The following ZNF292 variants were observed in gnomAD, a reference collection of about 807,000 sequenced individuals.
ZNF292 encodes 16 zinc-finger domain protein.
ZNF292 carries 26 observed loss-of-function variants against 217.9 expected under a neutral mutation model. The ratio of observed to expected loss-of-function variants is 0.12; its 90% CI spans 0.09 to 0.17. The LOEUF is 0.17. ZNF292 is among the 10% of genes least tolerant of loss of function. The pLI, the probability that ZNF292 is intolerant of heterozygous loss-of-function variation, is 1.00. For synonymous variants in ZNF292, 1,257 were observed against 1,124.1 expected, an observed-to-expected ratio of 1.12 and a Z score of -2.37; for missense variants, 2,904 against 3,175.2, an observed-to-expected ratio of 0.91 and a Z score of 2.05.
intron 1 of ZNF292, among the ~76,000 whole-genome samples, chr6:87,212,565 G>A (rs1019282940): frequency 6.6e-6 from 1 of 152,210 alleles, no homozygotes. Flanking sequence ...TTTGTGCTAA[G>A]AACCTAGGAC....
chr6:87,178,392 A>C (rs1562125101), intron 1 of ZNF292, among the ~76,000 whole-genome samples: 2 of 152,194 alleles, frequency 1.3e-5, no homozygotes, highest in Non-Finnish European at 1.5e-5. Context: ...CTTTACTGAA[A>C]TTATGTTACT....
chr6:87,228,091 C>T (rs1773452327), intron 4 of ZNF292, among the ~76,000 whole-genome samples: 1 of 152,120 alleles, frequency 6.6e-6, no homozygotes, highest in South Asian at 2.1e-4. Context: ...TAATCCACAT[C>T]CTCACCAACA....
chr6:87,235,479 C>T (rs1024874380), intron 5 of ZNF292, among the ~76,000 whole-genome samples: 1 of 151,966 alleles, frequency 6.6e-6, no homozygotes, highest in South Asian at 2.1e-4. Context: ...AGCGTATCTC[C>T]TGTTAGGAAA....
intron 6 of ZNF292, 130 bp downstream of exon 6, chr6:87,243,741 A>T (rs186146102): frequency 1.1e-6 from 1 of 875,434 alleles, no homozygotes; most frequent in East Asian, 3.0e-5. Context: ...TTTAGATATT[A>T]CATGCTGTGC....
chr6:87,178,171 C>T (rs1209233036), intron 1 of ZNF292, among the ~76,000 whole-genome samples: 1 of 152,112 alleles, frequency 6.6e-6, no homozygotes, highest in Admixed American at 6.5e-5. Context: ...GTTCCTCATT[C>T]TTTTTATTGA....
At chr6:87,208,931 A>G (rs1772359796) in intron 1 of ZNF292, among the ~76,000 whole-genome samples, 1 of 152,176 alleles carries the variant, frequency 6.6e-6, no homozygotes, top group African/African-American at 2.4e-5. Context: ...CCTGAAAAGT[A>G]AGATACTTTT....
rs370204704 is a variant in ZNF292, at chr6:87,259,192, A to C, written c.5563A>C (p.Thr1855Pro). The change falls in exon 8 of 8, where the codon ACT becomes CCT. Residue 1855 changes from threonine to proline, a missense_variant. Transcript: ENST00000369577. Reference sequence around the variant, plus strand: ...ATTAAAATTAGAAAATGACCTATCCACTCCAGCATCCCAATGTGTACTGAT... The same window carrying C: ...ATTAAAATTAGAAAATGACCTATCCCCTCCAGCATCCCAATGTGTACTGAT... ...QKLKLENDLS[T>P]PASQCVLINT... 1 of 1,613,506 alleles carries C rather than the reference A, an allele frequency of 6.2e-7. No homozygotes were observed. The highest frequency in any genetic ancestry group is 1.1e-5 in the South Asian group (1 of 91,062).
In ZNF292 at chr6:87,245,582, C is replaced by T; in HGVS notation, c.958C>T (p.Leu320Phe). ...AGTGTACCTTGAGAGGTGTCGTCAA[C>T]TTTCTTTGTTAACGAAAACAGTATA... ...IQVYLERCRQ[L>F]SLLTKTVYHI... The change falls in exon 7 of 8, where the codon CTT (leucine) becomes TTT (phenylalanine). Residue 320 changes from leucine to phenylalanine, a missense_variant. Coordinates refer to ENST00000369577, the MANE Select transcript of ZNF292 (RefSeq NM_015021.3). 1 of 1,564,074 alleles carries T rather than the reference C, an allele frequency of 6.4e-7. No individual in the cohort carries two copies. Among genetic ancestry groups the T allele is most frequent in the Non-Finnish European group, 8.7e-7 (1 of 1,149,632 alleles).
chr6:87,244,201 G>T (rs146908249), intron 6 of ZNF292, among the ~76,000 whole-genome samples: 2 of 152,226 alleles, frequency 1.3e-5, no homozygotes, highest in East Asian at 3.9e-4. Flanking sequence ...GCATACAAAT[G>T]AATAATAGAA....
At position 87,256,551 on chromosome 6, in the gene ZNF292, T is replaced by TGAA. The variant is rs758629318; in HGVS notation, c.2925_2927dup (p.Glu975dup). 6.8e-6 allele frequency: 11 copies of TGAA among 1,613,356 alleles called. No homozygotes were observed. Among genetic ancestry groups the TGAA allele is most frequent in the Non-Finnish European group, 8.5e-6 (10 of 1,179,828 alleles). On this transcript the variant is annotated inframe_insertion, in exon 8 of 8. Transcript: ENST00000369577. Reference sequence around the variant, plus strand: ...TGGTCACAGACTTACATACGCCAGTTGAAGATACTTGTAATGATTTGTGTC... The same window carrying TGAA: ...TGGTCACAGACTTACATACGCCAGTTGAAGAAGATACTTGTAATGATTTGTGTC...
At chr6:87,213,059 G>T (rs937545273) in intron 1 of ZNF292, among the ~76,000 whole-genome samples, 2 of 152,216 alleles carry the variant, frequency 1.3e-5, no homozygotes, top group Non-Finnish European at 2.9e-5. Flanking sequence ...ATGAAAGGGA[G>T]GTGGGGAAAT....
At chr6:87,201,142 CTTATAT>C (rs1406787096) in intron 1 of ZNF292, among the ~76,000 whole-genome samples, 3 of 152,042 alleles carry the variant, frequency 2.0e-5, no homozygotes, top group African/African-American at 7.3e-5. Context: ...CCGAGGTAGA[CTTATAT>C]TTATATTATG....
At position 87,212,531 on chromosome 6, in the gene ZNF292, G is replaced by T. The variant is rs183996907; in HGVS notation, c.169-3372G>T. Among the ~76,000 whole-genome samples the T allele has an allele frequency of 8.5e-5, 13 of 152,242 alleles. No individual in the cohort carries two copies. The East Asian group carries it at 1.9e-3, about 23-fold the overall frequency. On this transcript the variant is annotated intron_variant, in intron 1 of 7. Coordinates refer to ENST00000369577, the MANE Select transcript of ZNF292 (RefSeq NM_015021.3). ...TCATTAACATGAAAAAGACACTTAC[G>T]TAGATTTCAAGGGTTTTAGGAGCTT...
intron 7 of ZNF292, among the ~76,000 whole-genome samples, chr6:87,252,867 ACTTC>A (rs1375856075): frequency 6.6e-6 from 1 of 151,950 alleles, no homozygotes. Context: ...ATATGGTCCC[ACTTC>A]CTTCCCAGTT....
intron 5 of ZNF292, among the ~76,000 whole-genome samples, chr6:87,233,935 CAT>C (rs1454045477): frequency 6.6e-6 from 1 of 152,106 alleles, no homozygotes; most frequent in Non-Finnish European, 1.5e-5. Context: ...AATACTTTGT[CAT>C]ATAAATTCTA....
At chr6:87,177,325 CAAA>C (rs200520906) in intron 1 of ZNF292, among the ~76,000 whole-genome samples, 1 of 121,520 alleles carries the variant, frequency 8.2e-6, no homozygotes. Context: ...AACTCCATCT[CAAA>C]AAAAAAAAAA....
chr6:87,239,239 A>G (rs1005465163), intron 5 of ZNF292, among the ~76,000 whole-genome samples: 10 of 119,442 alleles, frequency 8.4e-5, no homozygotes, highest in Non-Finnish European at 1.4e-4. Flanking sequence ...GGGCTCCTCA[A>G]TTCCCAGAAG....
At chr6:87,169,642 T>A in intron 1 of ZNF292, 1 of 417,074 alleles carries the variant, frequency 2.4e-6, no homozygotes, top group Non-Finnish European at 4.9e-6. Context: ...TAGCATTTAG[T>A]TGTTTTTTTG....
At position 87,198,610 on chromosome 6, in the gene ZNF292, C is replaced by T. The variant is rs143443606; in HGVS notation, c.169-17293C>T. ...GACTTAAAATAGGTTTTATAAGATA[C>T]GAAGTACTTAAATATATTAGACTTG... On this transcript the variant is annotated intron_variant, in intron 1 of 7. Coordinates refer to ENST00000369577, the MANE Select transcript of ZNF292 (RefSeq NM_015021.3). Among the ~76,000 whole-genome samples the T allele has an allele frequency of 3.6e-3, 554 of 152,210 alleles. 2 individuals are homozygous for T. Among genetic ancestry groups the T allele is most frequent in the African/African-American group, 0.013 (532 of 41,520 alleles).
Sources: gnomAD v4.1 joint callset for allele counts (sites outside exome capture counted in the v4.1 genomes callset) on GRCh38, gnomAD v4.1.1 for gene constraint, MANE v1.5 for transcripts, NCBI Gene and HGNC (gene_info 2026-07-23, HGNC 2026-07-21) for gene names.